The following FAM219A variants were observed in gnomAD, a reference collection of about 807,000 sequenced individuals.
FAM219A encodes the protein family with sequence similarity 219 member A.
Under a neutral mutation model 23.4 loss-of-function variants are expected in FAM219A, and 7 were observed. The ratio of observed to expected loss-of-function variants is 0.30; its 90% CI spans 0.17 to 0.56. The LOEUF (loss-of-function observed/expected upper bound fraction) is 0.56. Ranked by LOEUF, FAM219A falls within the 20% of genes least tolerant of loss-of-function variation. FAM219A has a pLI of 0.92. For synonymous variants in FAM219A, 93 were observed against 99.0 expected (o/e 0.94, Z 0.36); for missense variants, 166 against 246.9 (o/e 0.67, Z 2.20).
intron 1 of FAM219A, among the ~76,000 whole-genome samples, chr9:34,449,296 G>A (rs988749132): frequency 6.6e-6 from 1 of 150,954 alleles, no homozygotes; most frequent in African/African-American, 2.5e-5. Flanking sequence ...GAGTGAAACT[G>A]TGTCTCAAAA....
chr9:34,411,700 AAG>A (rs1288090975), intron 1 of FAM219A, among the ~76,000 whole-genome samples: 4 of 151,700 alleles, frequency 2.6e-5, no homozygotes. Context: ...AAAAGAAAGA[AAG>A]AAAGAAAAGA....
chr9:34,419,984 A>G (rs1822200135), intron 1 of FAM219A, among the ~76,000 whole-genome samples: 1 of 152,188 alleles, frequency 6.6e-6, no homozygotes, highest in African/African-American at 2.4e-5. Context: ...TATGCCTGGC[A>G]GGCACTACTC....
chr9:34,425,690 A>C (rs546727704), intron 1 of FAM219A, among the ~76,000 whole-genome samples: 77 of 152,272 alleles, frequency 5.1e-4, no homozygotes, highest in African/African-American at 1.8e-3. Context: ...TGGGCAGTGC[A>C]CTGAGGTGCA....
At chr9:34,415,346 T>C (rs1821963250) in intron 1 of FAM219A, among the ~76,000 whole-genome samples, 1 of 152,228 alleles carries the variant, frequency 6.6e-6, no homozygotes. Context: ...GCTGCTAGTA[T>C]AGAATTCATT....
intron 1 of FAM219A, among the ~76,000 whole-genome samples, chr9:34,407,783 G>A (rs764061983): frequency 8.5e-5 from 13 of 152,344 alleles, no homozygotes; most frequent in African/African-American, 2.6e-4. Flanking sequence ...CTGCCTTTGC[G>A]GATGCAGGGA....
intron 1 of FAM219A, among the ~76,000 whole-genome samples, chr9:34,438,021 A>G (rs11790905): frequency 0.2 from 30,240 of 152,218 alleles, 3,493 homozygotes; most frequent in African/African-American, 0.32. Context: ...CACTCGGAGC[A>G]GCCGGCTGGC....
chr9:34,411,358 C>T (rs767998793), intron 1 of FAM219A, among the ~76,000 whole-genome samples: 3 of 151,122 alleles, frequency 2.0e-5, no homozygotes, highest in Non-Finnish European at 2.9e-5. Flanking sequence ...GTCCAGTCTG[C>T]GCAACATATT....
At chr9:34,421,112 G>A (rs1302058281) in intron 1 of FAM219A, among the ~76,000 whole-genome samples, 1 of 150,812 alleles carries the variant, frequency 6.6e-6, no homozygotes, top group Admixed American at 6.6e-5. Flanking sequence ...CTCTCACAAG[G>A]CCTGTTCCGT....
chr9:34,429,265 C>G (rs1039391104), intron 1 of FAM219A, among the ~76,000 whole-genome samples: 2 of 152,178 alleles, frequency 1.3e-5, no homozygotes, highest in African/African-American at 4.8e-5. Context: ...ACAGTTCCTT[C>G]AATAAGGGAC....
chr9:34,416,813 T>TG lies in FAM219A; in HGVS notation c.61-10850_61-10849insC, dbSNP rs1564003876. Among the ~76,000 whole-genome samples the TG allele has an allele frequency of 1.9e-4, 25 of 131,864 alleles. No homozygotes were observed. In the East Asian group the frequency reaches 4.1e-3, roughly 22 times the overall value. The allele number at this position is 131,864 out of a possible 152,430, so 86.5% of individuals were successfully genotyped here. The stretch of plus-strand genomic sequence containing the variant: ...CAGAACATAATCAGCTCTCCATTTT[T>TG]TTTTTTTTTTTTTTTTTAAATAGAG... On this transcript the variant is annotated intron_variant, in intron 1 of 5. Transcript: ENST00000651358.
chr9:34,415,481 G>T (rs1204548465), intron 1 of FAM219A, among the ~76,000 whole-genome samples: 1 of 152,198 alleles, frequency 6.6e-6, no homozygotes, highest in Non-Finnish European at 1.5e-5. Flanking sequence ...AAGTTTTATA[G>T]ATTTTTCTAC....
intron 1 of FAM219A, among the ~76,000 whole-genome samples, chr9:34,446,835 A>G (rs1327171954): frequency 6.6e-6 from 1 of 152,252 alleles, no homozygotes; most frequent in Admixed American, 6.5e-5. Flanking sequence ...TTGAATGATG[A>G]TATCAGTACA....
chr9:34,434,160 C>T (rs888796786), intron 1 of FAM219A, among the ~76,000 whole-genome samples: 5 of 145,680 alleles, frequency 3.4e-5, no homozygotes, highest in Admixed American at 7.0e-5. Context: ...CAAGATCGCG[C>T]CACTGCACTC....
intron 2 of FAM219A, among the ~76,000 whole-genome samples, chr9:34,404,627 G>C (rs1001408046): frequency 1.3e-5 from 2 of 152,144 alleles, no homozygotes; most frequent in African/African-American, 4.8e-5. Flanking sequence ...AGAATCGCTT[G>C]AACCAGGGAA....
At chr9:34,423,899 C>T (rs1052791969) in intron 1 of FAM219A, among the ~76,000 whole-genome samples, 1 of 152,012 alleles carries the variant, frequency 6.6e-6, no homozygotes, top group Admixed American at 6.6e-5. Context: ...CAGGTGACTG[C>T]GTGAATTGTG....
rs199846206 is a variant in FAM219A at position 34,401,142 on chromosome 9, A to C, written c.400-20T>G. 56 of 1,611,314 alleles carry C rather than the reference A, an allele frequency of 3.5e-5. No homozygotes were observed. In the Middle Eastern group the frequency reaches 1.3e-3, roughly 38 times the overall value. On this transcript the variant is annotated intron_variant, in intron 5 of 5. Coordinates refer to ENST00000651358, the MANE Select transcript of FAM219A (RefSeq NM_001184940.2). Reference sequence around the variant, plus strand: ...GATCTGCTGTAGGCAAAGGGGAGGGAGGTCAGGCCCGAGCGGCAGGGAGGC... The same window carrying C: ...GATCTGCTGTAGGCAAAGGGGAGGGCGGTCAGGCCCGAGCGGCAGGGAGGC...
Position 34,402,746 on chromosome 9 carries a change from G to A in FAM219A, c.222C>T (p.Val74=), listed in dbSNP as rs751782166. Residue 74 remains valine, a synonymous_variant, in exon 3 of 6, where the codon GTC becomes GTT. Coordinates refer to ENST00000651358, the MANE Select transcript of FAM219A (RefSeq NM_001184940.2). ...CATTGTTCTTCTTGGGTTGCTGGTT[G>A]ACAGGGCTACCCATGCTGCCATTCT... The part of the protein sequence containing the change: ...SLKNGSMGSP[V]NQQPKKNNVM... 2.5e-6 allele frequency: 4 copies of A among 1,614,200 alleles called. No homozygotes were observed. The South Asian group carries it at 4.4e-5, about 18-fold the overall frequency.
intron 1 of FAM219A, among the ~76,000 whole-genome samples, chr9:34,416,174 A>G (rs969985382): frequency 1.4e-5 from 2 of 142,290 alleles, no homozygotes; most frequent in African/African-American, 5.3e-5. Flanking sequence ...AGATCCTGAG[A>G]AGAAAGAGAA....
intron 1 of FAM219A, among the ~76,000 whole-genome samples, chr9:34,452,270 G>C (rs7047622): frequency 0.47 from 72,101 of 151,890 alleles, 18,384 homozygotes; most frequent in African/African-American, 0.65. Context: ...TCTAGGACTT[G>C]TGGATTCCTC....
Sources: gnomAD v4.1 joint callset for allele counts (sites outside exome capture counted in the v4.1 genomes callset) on GRCh38, gnomAD v4.1.1 for gene constraint, MANE v1.5 for transcripts, NCBI Gene and HGNC (gene_info 2026-07-23, HGNC 2026-07-21) for gene names.